Variants in PEX2 observed in about 807,000 individuals in gnomAD.
PEX2 encodes peroxisomal biogenesis factor 2, also known as peroxisome biogenesis factor 2.
Under a neutral mutation model 25.2 loss-of-function variants are expected in PEX2, and 19 were observed. The observed-to-expected ratio is 0.75, with a 90% CI of 0.53 to 1.10. The LOEUF (loss-of-function observed/expected upper bound fraction) is 1.10, where lower values mean the gene tolerates loss of function less well. Ranked by LOEUF, PEX2 falls within the 50% of genes least tolerant of loss-of-function variation. The pLI is 0.00. For synonymous variants in PEX2, 141 were observed against 127.7 expected (o/e 1.10, Z -0.70); for missense variants, 347 against 350.6 (o/e 0.99, Z 0.08).
chr8:76,998,956 TA>T (rs1240682388), intron 1 of PEX2, among the ~76,000 whole-genome samples: 1 of 130,982 alleles, frequency 7.6e-6, no homozygotes, highest in Non-Finnish European at 1.8e-5. Context: ...CTGTTACTTC[TA>T]TTTTTTTTTT....
chr8:76,980,819 T>G lies in PEX2; in HGVS notation c.*2442A>C, dbSNP rs1000343972. ...ATTTACTATGTGTCAGGCATTGTTT[T>G]AAGAGCTTTATATACACTAAACATG... On this transcript the variant is annotated 3_prime_UTR_variant, in exon 4 of 4. Transcript: ENST00000357039. 5 of 152,248 alleles carry G rather than the reference T, an allele frequency of 3.3e-5. No individual in the cohort carries two copies. The highest frequency in any genetic ancestry group is 1.2e-4 in the African/African-American group (5 of 41,462). The allele number at this position is 152,248 out of a possible 1,614,324, so 9.4% of individuals were successfully genotyped here.
At chr8:76,995,111 C>A (rs1027989599) in intron 1 of PEX2, among the ~76,000 whole-genome samples, 2 of 152,212 alleles carry the variant, frequency 1.3e-5, no homozygotes, top group Non-Finnish European at 2.9e-5. Context: ...GGCCTAACAA[C>A]TCTTAAGTTC....
rs1806883822 is a variant in PEX2, at chr8:76,983,093, G to A, written c.*168C>T. ...CATTAACATTTACATAATATATTTA[G>A]AATCACATGGTTTCCAGTGATTAGA... On this transcript the variant is annotated 3_prime_UTR_variant, in exon 4 of 4. Coordinates refer to ENST00000357039, the MANE Select transcript of PEX2 (RefSeq NM_000318.3). 2.1e-6 allele frequency: 3 copies of A among 1,441,944 alleles called. No homozygotes were observed. In the East Asian group the frequency reaches 7.2e-5, roughly 35 times the overall value. 89.3% of individuals were successfully genotyped at this position (1,441,944 alleles called of 1,614,324 possible). A position where few individuals can be genotyped will look rare whatever the true frequency, so the allele number is the denominator to read the frequency against.
intron 1 of PEX2, among the ~76,000 whole-genome samples, chr8:76,990,571 G>A (rs1807140066): frequency 6.6e-6 from 1 of 152,076 alleles, no homozygotes; most frequent in African/African-American, 2.4e-5. Context: ...GGCCATTGTA[G>A]GCTTATCTTA....
At position 76,984,633 on chromosome 8, in the gene PEX2, T is replaced by C. The variant is rs140812580; in HGVS notation, c.-17-438A>G. 9.3e-4 allele frequency among the ~76,000 whole-genome samples: 141 copies of C among 152,216 alleles called. 1 individual carries two copies. Among genetic ancestry groups the C allele is most frequent in the East Asian group, 1.4e-3 (7 of 5,180 alleles). ...ATAAATACAACAACTATATAGAACA[T>C]TGCAATAGATGGTTAAGTCAAGACC... On this transcript the variant is annotated intron_variant, in intron 3 of 3. Coordinates refer to ENST00000357039, the MANE Select transcript of PEX2 (RefSeq NM_000318.3).
At chr8:76,992,336 G>A (rs1807195278) in intron 1 of PEX2, among the ~76,000 whole-genome samples, 1 of 152,110 alleles carries the variant, frequency 6.6e-6, no homozygotes, top group Non-Finnish European at 1.5e-5. Flanking sequence ...AGGGTGCTTT[G>A]CTGCACACAA....
intron 1 of PEX2, among the ~76,000 whole-genome samples, chr8:76,999,373 G>T (rs1026244983): frequency 6.6e-6 from 1 of 150,954 alleles, no homozygotes; most frequent in Non-Finnish European, 1.5e-5. Flanking sequence ...AACAAACAAC[G>T]ATTTTTAATT....
chr8:76,996,746 C>G (rs1227318367), intron 1 of PEX2, among the ~76,000 whole-genome samples: 1 of 152,200 alleles, frequency 6.6e-6, no homozygotes, highest in Non-Finnish European at 1.5e-5. Flanking sequence ...ATAGGAGGAA[C>G]TACCATGTGA....
At chr8:76,997,711 G>A (rs986019448) in intron 1 of PEX2, among the ~76,000 whole-genome samples, 17 of 152,220 alleles carry the variant, frequency 1.1e-4, no homozygotes, top group African/African-American at 3.1e-4. Context: ...TAAGGGAGAT[G>A]TCTGATAAAA....
intron 1 of PEX2, among the ~76,000 whole-genome samples, chr8:76,990,004 A>G (rs776516116): frequency 1.1e-4 from 17 of 152,272 alleles, no homozygotes; most frequent in Non-Finnish European, 2.1e-4. Flanking sequence ...CCTTTTGTCT[A>G]TCTTGAAAAT....
intron 1 of PEX2, among the ~76,000 whole-genome samples, chr8:76,995,115 T>C (rs1232306354): frequency 6.6e-6 from 1 of 152,190 alleles, no homozygotes; most frequent in Non-Finnish European, 1.5e-5. Context: ...TAACAACTCT[T>C]AAGTTCAAAT....
rs973948354 is a variant in PEX2, at chr8:76,988,911, C to T, written c.-159-573G>A. Among the ~76,000 whole-genome samples the T allele has an allele frequency of 2.6e-5, 4 of 151,712 alleles. No homozygotes were observed. In the East Asian group the frequency reaches 7.7e-4, roughly 29 times the overall value. ...CTTTGCTTATCCATAAGAAGCAACTCACTGGGTGCAGTGGCTCATGCCTAT... is the reference window on the plus strand; with the variant it reads ...CTTTGCTTATCCATAAGAAGCAACTTACTGGGTGCAGTGGCTCATGCCTAT... On this transcript the variant is annotated intron_variant, in intron 1 of 3. Transcript: ENST00000357039.
In PEX2 at chr8:76,983,466, G is replaced by T; in HGVS notation, c.713C>A (p.Ala238Asp). ...TGAPNSDNTLATSGKECALCG... is the reference protein window; with the variant it reads ...TGAPNSDNTLDTSGKECALCG... ...TAGAGCGCATTCTTTGCCACTGGTG[G>T]CTAATGTATTGTCACTATTAGGTGC... The change falls in exon 4 of 4, where the codon GCC becomes GAC. Residue 238 changes from alanine to aspartate, a missense_variant. Transcript: ENST00000357039. The T allele has an allele frequency of 6.2e-7, 1 of 1,614,088 alleles. No homozygotes were observed.
At chr8:76,987,395 A>G (rs1018182477) in intron 2 of PEX2, among the ~76,000 whole-genome samples, 3 of 152,138 alleles carry the variant, frequency 2.0e-5, no homozygotes, top group African/African-American at 7.2e-5. Flanking sequence ...GCCAATGGTG[A>G]GAAGAGTAGG....
chr8:77,000,465 G>C (rs574072885), upstream of PEX2, among the ~76,000 whole-genome samples: 155 of 152,084 alleles, frequency 1.0e-3, no homozygotes, highest in Middle Eastern at 3.4e-3. Context: ...GGCGCCGCCG[G>C]GTGGCGGCGA....
chr8:76,981,065 A>C lies in PEX2; in HGVS notation c.*2196T>G, dbSNP rs1362801169. ...GCTGGACTCTTCACTTAATGAACTC[A>C]GATTCAACATTGCATTATTCACAAC... On this transcript the variant is annotated 3_prime_UTR_variant, in exon 4 of 4. Transcript: ENST00000357039. 1 of 152,268 alleles carries C rather than the reference A, an allele frequency of 6.6e-6. No individual in the cohort carries two copies. The highest frequency in any genetic ancestry group is 2.4e-5 in the African/African-American group (1 of 41,464). 9.4% of individuals were successfully genotyped at this position (152,268 alleles called of 1,614,324 possible). A position where few individuals can be genotyped will look rare whatever the true frequency, so the allele number is the denominator to read the frequency against.
chr8:76,985,600 A>G (rs1265214497), intron 3 of PEX2, among the ~76,000 whole-genome samples: 1 of 152,188 alleles, frequency 6.6e-6, no homozygotes, highest in African/African-American at 2.4e-5. Flanking sequence ...TTACTTGCCA[A>G]TTATACTCCA....
chr8:76,988,040 T>C (rs957492853), intron 2 of PEX2: 2 of 152,242 alleles, frequency 1.3e-5, no homozygotes, highest in African/African-American at 4.8e-5. Context: ...ACATAAGTGC[T>C]AAAATCAAGA....
chr8:76,988,543 T>C (rs1807069766), intron 1 of PEX2, among the ~76,000 whole-genome samples: 1 of 152,222 alleles, frequency 6.6e-6, no homozygotes, highest in South Asian at 2.1e-4. Context: ...TGAGTTATAA[T>C]CTTTTTGATA....
Sources: gnomAD v4.1 joint callset for allele counts (sites outside exome capture counted in the v4.1 genomes callset) on GRCh38, gnomAD v4.1.1 for gene constraint, MANE v1.5 for transcripts, NCBI Gene and HGNC (gene_info 2026-07-23, HGNC 2026-07-21) for gene names.